Variants in EML1 observed in about 807,000 individuals in gnomAD.
The protein encoded by EML1 is EMAP like 1.
EML1 carries 27 observed loss-of-function variants against 110.4 expected under a neutral mutation model. The observed-to-expected ratio is 0.24, with a 90% CI of 0.18 to 0.34. The LOEUF (loss-of-function observed/expected upper bound fraction) is 0.34, where lower values mean the gene tolerates loss of function less well. EML1 is among the 10% of genes least tolerant of loss of function. The pLI is 1.00. For missense variants in EML1, 741 were observed against 1,030.9 expected, an observed-to-expected ratio of 0.72 and a Z score of 3.85; for synonymous variants, 344 against 385.8, an observed-to-expected ratio of 0.89 and a Z score of 1.27.
At chr14:99,928,547 A>G (rs1339888304) in intron 17 of EML1, among the ~76,000 whole-genome samples, 1 of 152,026 alleles carries the variant, frequency 6.6e-6, no homozygotes, top group East Asian at 1.9e-4. Flanking sequence ...CCTTTTCATT[A>G]TATGATTATG....
intron 2 of EML1, among the ~76,000 whole-genome samples, chr14:99,860,869 C>T (rs1321876048): frequency 6.6e-6 from 1 of 152,020 alleles, no homozygotes; most frequent in Non-Finnish European, 1.5e-5. Context: ...TCTCTCATCA[C>T]AACTTTAATA....
intron 1 of EML1, among the ~76,000 whole-genome samples, chr14:99,785,662 G>T (rs2057590754): frequency 2.0e-5 from 3 of 152,152 alleles, no homozygotes; most frequent in Admixed American, 2.0e-4. Context: ...TCTTTGAAGA[G>T]CTAGCATGTA....
At chr14:99,752,387 G>A (rs945487279) in intron 1 of EML1, among the ~76,000 whole-genome samples, 3 of 152,208 alleles carry the variant, frequency 2.0e-5, no homozygotes, top group South Asian at 2.1e-4. Context: ...AATGCAGGAC[G>A]TCCAGCTGAA....
intron 1 of EML1, among the ~76,000 whole-genome samples, chr14:99,849,501 G>C (rs2058755325): frequency 6.9e-6 from 1 of 145,342 alleles, no homozygotes. Context: ...TTGTGTGTGT[G>C]TATTTGTGTG....
At chr14:99,819,869 G>C (rs556033778) in intron 1 of EML1, among the ~76,000 whole-genome samples, 1 of 152,320 alleles carries the variant, frequency 6.6e-6, no homozygotes, top group African/African-American at 2.4e-5. Flanking sequence ...GTTTCTCTGC[G>C]TTTGAAAATC....
intron 1 of EML1, among the ~76,000 whole-genome samples, chr14:99,788,117 C>T (rs1372745728): frequency 6.6e-6 from 1 of 152,178 alleles, no homozygotes; most frequent in African/African-American, 2.4e-5. Context: ...GTGGCTGCCC[C>T]TTGCTCTACC....
At chr14:99,891,282 A>C in intron 5 of EML1, 55 bp downstream of exon 5, 52 of 1,606,834 alleles carry the variant, frequency 3.2e-5, no homozygotes, top group Non-Finnish European at 4.1e-5. Flanking sequence ...CTCAGAACTC[A>C]AGGGACAGAA....
intron 1 of EML1, among the ~76,000 whole-genome samples, chr14:99,840,575 G>A (rs969746427): frequency 3.9e-5 from 6 of 152,324 alleles, no homozygotes; most frequent in African/African-American, 1.4e-4. Context: ...TGAATCAAGG[G>A]TGGCTATTAT....
chr14:99,770,377 T>TTCTAGCTATCTATCTATCTA (rs1555388114), upstream of EML1, among the ~76,000 whole-genome samples: 1 of 150,186 alleles, frequency 6.7e-6, no homozygotes, highest in Admixed American at 6.6e-5. Context: ...AAAAATTTCT[T>TTCTAGCTATCTATCTATCTA]TCTATCTATC....
intron 2 of EML1, among the ~76,000 whole-genome samples, chr14:99,857,270 CA>C (rs560105865): frequency 2.1e-5 from 3 of 142,490 alleles, no homozygotes; most frequent in Non-Finnish European, 1.5e-5. Flanking sequence ...GACTCTGTCT[CA>C]AAAAAAAAAT....
intron 1 of EML1, among the ~76,000 whole-genome samples, chr14:99,764,929 T>TTGG (rs1440817053): frequency 2.7e-5 from 4 of 150,008 alleles, no homozygotes; most frequent in Admixed American, 1.3e-4. Flanking sequence ...TTTGTTGTTG[T>TTGG]TGGTGTTGTT....
intron 1 of EML1, among the ~76,000 whole-genome samples, chr14:99,830,798 G>A (rs963879177): frequency 2.0e-5 from 3 of 152,040 alleles, no homozygotes; most frequent in African/African-American, 7.2e-5. Flanking sequence ...TGATCCGCCC[G>A]CCTCAGCCTC....
intron 16 of EML1, among the ~76,000 whole-genome samples, chr14:99,919,462 A>T (rs1158114075): frequency 6.8e-6 from 1 of 147,790 alleles, no homozygotes; most frequent in Middle Eastern, 3.4e-3. Context: ...ACACACACAC[A>T]CTCCACCTCC....
rs541294661 is a variant in EML1 at position 99,775,647 on chromosome 14, T to C, written c.-27+1634T>C. Among the ~76,000 whole-genome samples, 22 of 152,326 alleles carry C rather than the reference T, an allele frequency of 1.4e-4. No homozygotes were observed. In the South Asian group the frequency reaches 4.1e-3, roughly 29 times the overall value. On this transcript the variant is annotated intron_variant, in intron 1 of 22. Transcript: ENST00000327921. Reference sequence around the variant, plus strand: ...GCAGGGAGCCCAGGGGCTTTTGATCTGGAGAGTGATTGCATTGGAGTTGCG... The same window carrying C: ...GCAGGGAGCCCAGGGGCTTTTGATCCGGAGAGTGATTGCATTGGAGTTGCG...
At chr14:99,874,944 G>A (rs1330038602) in intron 3 of EML1, 1 of 1,613,404 alleles carries the variant, frequency 6.2e-7, no homozygotes, top group Admixed American at 1.7e-5. Context: ...AAACAGATCT[G>A]TGAGTCTTCT....
chr14:99,778,272 A>T (rs2057504430), intron 1 of EML1, among the ~76,000 whole-genome samples: 1 of 152,248 alleles, frequency 6.6e-6, no homozygotes, highest in South Asian at 2.1e-4. Context: ...TACTATGACT[A>T]TCAAACACTA....
chr14:99,914,698 G>GTAA lies in EML1; in HGVS notation c.1752+2_1752+4dup. 1 of 1,600,898 alleles carries GTAA rather than the reference G, an allele frequency of 6.2e-7. No homozygotes were observed. Among genetic ancestry groups the GTAA allele is most frequent in the Non-Finnish European group, 8.5e-7 (1 of 1,176,792 alleles). Reference sequence around the variant, plus strand: ...TCCCGTCTGGGACAAAATAATAGAGGTAAACATGCACATTACATTTCCATT... The same window carrying GTAA: ...TCCCGTCTGGGACAAAATAATAGAGGTAATAAACATGCACATTACATTTCCATT... On this transcript the variant is annotated splice_donor_variant, in intron 15 of 21. Transcript: ENST00000262233. LOFTEE classifies it high-confidence loss of function.
chr14:99,867,494 T>C (rs2059122516), intron 3 of EML1, among the ~76,000 whole-genome samples: 1 of 152,236 alleles, frequency 6.6e-6, no homozygotes, highest in African/African-American at 2.4e-5. Flanking sequence ...TTGTATTTTC[T>C]TTTAGCAAAG....
Position 99,781,077 on chromosome 14 carries a change from C to T in EML1, c.-27+7064C>T, listed in dbSNP as rs78518014. Among the ~76,000 whole-genome samples, 1,772 of 152,190 alleles carry T rather than the reference C, an allele frequency of 0.012. 37 individuals carry two copies. Among genetic ancestry groups the T allele is most frequent in the African/African-American group, 0.04 (1,650 of 41,506 alleles). ...GCATCTCTCCTTCTTTCCAAGGACACGCGCCCCTGCCCCCAGAATACTGGT... is the reference window on the plus strand; with the variant it reads ...GCATCTCTCCTTCTTTCCAAGGACATGCGCCCCTGCCCCCAGAATACTGGT... On this transcript the variant is annotated intron_variant, in intron 1 of 22. Transcript: ENST00000327921. The surrounding 1 kb of genome is among the most constrained non-coding windows in gnomAD (Gnocchi z 4.2).
Sources: gnomAD v4.1 joint callset for allele counts (sites outside exome capture counted in the v4.1 genomes callset) on GRCh38, gnomAD v4.1.1 for gene constraint, Gnocchi (gnomAD v3.1) non-coding constraint, MANE v1.5 for transcripts, NCBI Gene and HGNC (gene_info 2026-07-23, HGNC 2026-07-21) for gene names.